Variants in PCMTD1 observed in about 807,000 individuals in gnomAD.
PCMTD1 encodes protein-L-isoaspartate O-methyltransferase domain-containing protein 1.
PCMTD1 carries 12 observed loss-of-function variants against 37.6 expected under a neutral mutation model. The ratio of observed to expected loss-of-function variants is 0.32; its 90% CI spans 0.20 to 0.52. The LOEUF is 0.52. PCMTD1 is among the 20% of genes least tolerant of loss of function. PCMTD1 has a pLI of 0.97. For synonymous variants in PCMTD1, 117 were observed against 135.8 expected, an observed-to-expected ratio of 0.86 and a Z score of 0.96; for missense variants, 235 against 421.3, an observed-to-expected ratio of 0.56 and a Z score of 3.87.
chr8:51,899,040 G>C (rs762987459), upstream of PCMTD1: 7 of 1,509,538 alleles, frequency 4.6e-6, no homozygotes, highest in Non-Finnish European at 6.2e-6. Flanking sequence ...GCCGAGTGGA[G>C]AGGCGGGGCC....
At chr8:51,828,944 T>C (rs932495493) in intron 5 of PCMTD1, among the ~76,000 whole-genome samples, 11 of 152,212 alleles carry the variant, frequency 7.2e-5, no homozygotes, top group Non-Finnish European at 1.6e-4. Context: ...ATCCTTTGTT[T>C]TTTATCATTC....
At chr8:51,870,153 G>C (rs761858913) in intron 1 of PCMTD1, 1 of 152,192 alleles carries the variant, frequency 6.6e-6, no homozygotes, top group African/African-American at 2.4e-5. Context: ...TTTCCTCCTA[G>C]CACCCAGAGG....
intron 3 of PCMTD1, among the ~76,000 whole-genome samples, chr8:51,839,033 A>G (rs2038108004): frequency 6.6e-6 from 1 of 152,204 alleles, no homozygotes; most frequent in Admixed American, 6.5e-5. Context: ...TACTTGATTT[A>G]GGAGTTCATT....
chr8:51,837,738 A>C (rs1188500638), intron 3 of PCMTD1, among the ~76,000 whole-genome samples: 1 of 152,176 alleles, frequency 6.6e-6, no homozygotes, highest in Non-Finnish European at 1.5e-5. Flanking sequence ...AGAATCTTAG[A>C]CGTTTTGTAT....
rs181299675 is a variant in PCMTD1 at position 51,838,429 on chromosome 8, C to T, written c.411-4740G>A. Among the ~76,000 whole-genome samples the T allele has an allele frequency of 1.9e-3, 283 of 152,000 alleles. 1 individual carries two copies. The highest frequency in any genetic ancestry group is 2.8e-3 in the Non-Finnish European group (193 of 67,986). The stretch of plus-strand genomic sequence containing the variant: ...GCTTGAGCCCACAAGCTGTAAACTA[C>T]GGTGAGCTATGACCATGGCCACTGC... On this transcript the variant is annotated intron_variant, in intron 3 of 5. Transcript: ENST00000522514.
chr8:51,868,498 C>T (rs149927314), intron 1 of PCMTD1, among the ~76,000 whole-genome samples: 65 of 152,032 alleles, frequency 4.3e-4, no homozygotes, highest in African/African-American at 1.5e-3. Context: ...TCAAGGTTTG[C>T]GGTATCTTTA....
chr8:51,857,275 G>C (rs1207542350), intron 2 of PCMTD1, among the ~76,000 whole-genome samples: 1 of 152,206 alleles, frequency 6.6e-6, no homozygotes, highest in Non-Finnish European at 1.5e-5. Flanking sequence ...GATGGCACTA[G>C]CAGTCTCCCC....
intron 1 of PCMTD1, among the ~76,000 whole-genome samples, chr8:51,891,470 T>C (rs2038934858): frequency 1.3e-5 from 2 of 151,894 alleles, no homozygotes. Context: ...GAGGTTGGAT[T>C]GCTCGAGGTC....
chr8:51,819,537 T>C lies in PCMTD1; in HGVS notation c.*814A>G, dbSNP rs2037813755. The C allele has an allele frequency of 6.6e-6, 1 of 152,592 alleles. No individual in the cohort carries two copies. The highest frequency in any genetic ancestry group is 1.5e-5 in the Non-Finnish European group (1 of 68,038). The allele number at this position is 152,592 out of a possible 1,614,324, so 9.5% of individuals were successfully genotyped here. On this transcript the variant is annotated 3_prime_UTR_variant, in exon 6 of 6. Transcript: ENST00000522514. ...GCTTTTTTTAAAAAACCAAATACTT[T>C]ATACAGTGAACTACAGAAAAAACAA...
At chr8:51,856,569 CATT>C (rs1436165369) in intron 2 of PCMTD1, among the ~76,000 whole-genome samples, 1 of 152,162 alleles carries the variant, frequency 6.6e-6, no homozygotes, top group African/African-American at 2.4e-5. Flanking sequence ...CTCATAATGG[CATT>C]ATGCATTTGG....
chr8:51,864,873 A>C (rs1450408032), intron 1 of PCMTD1, among the ~76,000 whole-genome samples: 1 of 152,106 alleles, frequency 6.6e-6, no homozygotes, highest in Non-Finnish European at 1.5e-5. Flanking sequence ...AATAGAAAAC[A>C]GAAAGAAAAC....
At chr8:51,877,434 A>G (rs1364951154) in intron 1 of PCMTD1, among the ~76,000 whole-genome samples, 1 of 152,236 alleles carries the variant, frequency 6.6e-6, no homozygotes, top group African/African-American at 2.4e-5. Flanking sequence ...GGCTATGACA[A>G]TGTTTGCTTG....
At position 51,833,540 on chromosome 8, in the gene PCMTD1, A is replaced by G; in HGVS notation, c.560T>C (p.Leu187Ser). 1 of 1,612,136 alleles carries G rather than the reference A, an allele frequency of 6.2e-7. No individual in the cohort carries two copies. Among genetic ancestry groups the G allele is most frequent in the Non-Finnish European group, 8.5e-7 (1 of 1,178,874 alleles). Residue 187 changes from leucine (L) to serine (S), a missense_variant, in exon 4 of 6, where the codon TTA (leucine) becomes TCA (serine). Physicochemically the swap from Leu to Ser is moderately radical, Grantham distance 145 (BLOSUM62 -2). This residue lies in a region of PCMTD1 where 183 missense variants were observed against 349.3 expected (regional missense o/e 0.52). Coordinates refer to ENST00000522514, the MANE Select transcript of PCMTD1 (RefSeq NM_052937.4). ...TACCTGATCCTCTATAGGCATGACT[A>G]ATATGCCTCCAACTTTTAGTAATAT... ...MKILLKVGGI[L>S]VMPIEDQLTQ...
At chr8:51,892,238 C>T (rs1004854834) in intron 1 of PCMTD1, among the ~76,000 whole-genome samples, 12 of 152,170 alleles carry the variant, frequency 7.9e-5, no homozygotes, top group Non-Finnish European at 1.2e-4. Context: ...AGGTTTCCTA[C>T]GTTAAATATA....
intron 2 of PCMTD1, among the ~76,000 whole-genome samples, chr8:51,847,039 A>C (rs750536013): frequency 6.6e-6 from 1 of 152,236 alleles, no homozygotes; most frequent in Non-Finnish European, 1.5e-5. Flanking sequence ...TCCTGGTTAA[A>C]GCAATGTCAA....
chr8:51,822,453 C>G (rs536003030), intron 5 of PCMTD1, among the ~76,000 whole-genome samples: 1 of 152,162 alleles, frequency 6.6e-6, no homozygotes, highest in South Asian at 2.1e-4. Flanking sequence ...GACAAAGATA[C>G]AGGGGAGAAC....
At chr8:51,830,931 CCTT>C (rs1460912393) in intron 5 of PCMTD1, among the ~76,000 whole-genome samples, 2 of 152,036 alleles carry the variant, frequency 1.3e-5, no homozygotes, top group Non-Finnish European at 2.9e-5. Flanking sequence ...TTGACCTGCC[CCTT>C]CTTCTTATGT....
intron 1 of PCMTD1, among the ~76,000 whole-genome samples, chr8:51,890,717 C>T (rs2129295190): frequency 6.6e-6 from 1 of 152,336 alleles, no homozygotes; most frequent in East Asian, 1.9e-4. Flanking sequence ...CCATAACCAA[C>T]AGCTAAACAC....
chr8:51,851,038 C>T (rs748657422), intron 2 of PCMTD1, among the ~76,000 whole-genome samples: 1 of 152,176 alleles, frequency 6.6e-6, no homozygotes, highest in Non-Finnish European at 1.5e-5. Context: ...CTAAGAGAAG[C>T]TGTTCTAATA....
Sources: gnomAD v4.1 joint callset for allele counts (sites outside exome capture counted in the v4.1 genomes callset) on GRCh38, gnomAD v4.1.1 for gene constraint, gnomAD v4.1.1 regional missense constraint, MANE v1.5 for transcripts, NCBI Gene and HGNC (gene_info 2026-07-23, HGNC 2026-07-21) for gene names.